ASPH: variants seen among roughly 807,000 people sequenced by gnomAD.
ASPH encodes aspartyl/asparaginyl beta-hydroxylase.
A neutral mutation model predicts 118.4 loss-of-function variants in ASPH; 100 were observed. The observed-to-expected ratio is 0.84, with a 90% CI of 0.72 to 1.00. The LOEUF (loss-of-function observed/expected upper bound fraction) is 1.00, where lower values mean the gene tolerates loss of function less well. Ranked by LOEUF, ASPH falls within the 50% of genes least tolerant of loss-of-function variation. The pLI is 0.00. For synonymous variants in ASPH, 315 were observed against 325.6 expected (o/e 0.97, Z 0.35); for missense variants, 920 against 919.5 (o/e 1.00, Z -0.01).
Position 61,553,023 on chromosome 8 carries a change from C to A in ASPH, c.1626+8G>T. 6.3e-7 allele frequency: 1 copy of A among 1,597,278 alleles called. No homozygotes were observed. Among genetic ancestry groups the A allele is most frequent in the Non-Finnish European group, 8.6e-7 (1 of 1,165,022 alleles). ...TTAGAGAGAATCAGAAATTCATATA[C>A]CCATTACCTCTTTGTTCCCAACCCT... On this transcript the variant is annotated splice_region_variant and intron_variant, in intron 20 of 24. Transcript: ENST00000379454.
At chr8:61,691,135 C>T (rs1174109674) in intron 1 of ASPH, among the ~76,000 whole-genome samples, 4 of 152,144 alleles carry the variant, frequency 2.6e-5, no homozygotes, top group Non-Finnish European at 4.4e-5. Flanking sequence ...GTTTTAGGGG[C>T]AGTTTTTATC....
At chr8:61,708,552 A>G (rs1347319955) in intron 1 of ASPH, among the ~76,000 whole-genome samples, 2 of 152,232 alleles carry the variant, frequency 1.3e-5, no homozygotes, top group African/African-American at 4.8e-5. Context: ...AGAATAATAA[A>G]TAAGAAAAAG....
At chr8:61,666,258 C>T (rs1260792345) in intron 3 of ASPH, among the ~76,000 whole-genome samples, 1 of 152,126 alleles carries the variant, frequency 6.6e-6, no homozygotes, top group Non-Finnish European at 1.5e-5. Context: ...TCATGTAGAG[C>T]AACTCAAGCT....
At chr8:61,532,176 T>C (rs1177997090) in intron 21 of ASPH, among the ~76,000 whole-genome samples, 1 of 152,218 alleles carries the variant, frequency 6.6e-6, no homozygotes, top group Non-Finnish European at 1.5e-5. Context: ...TTCCCTTTTC[T>C]TTGCATCCTC....
At chr8:61,565,651 CTA>C (rs374765833) in intron 17 of ASPH, among the ~76,000 whole-genome samples, 122,555 of 151,672 alleles carry the variant, frequency 0.81, 49,820 homozygotes, top group Non-Finnish European at 0.85. Context: ...CACTAAACAG[CTA>C]AGATCACTGA....
Position 61,635,034 on chromosome 8 carries a change from T to TA in ASPH, c.890-1308dup, listed in dbSNP as rs560219432. Among the ~76,000 whole-genome samples, 8 of 152,324 alleles carry TA rather than the reference T, an allele frequency of 5.3e-5. No individual in the cohort carries two copies. The South Asian group carries it at 1.7e-3, about 32-fold the overall frequency. ...AATCTGGGTTACCTATTTTATAGCC[T>TA]ACTTTTCCTTACTCCAGGTCTTTTT... On this transcript the variant is annotated intron_variant, in intron 12 of 24. Transcript: ENST00000379454.
intron 15 of ASPH, among the ~76,000 whole-genome samples, chr8:61,577,770 G>A (rs7827760): frequency 0.02 from 3,027 of 152,188 alleles, 117 homozygotes; most frequent in African/African-American, 0.07. Context: ...TCATGAGAAC[G>A]GCATGGGGGA....
rs146181871 is a variant in ASPH at position 61,664,604 on chromosome 8, G to A, written c.323-10944C>T. 1.6e-4 allele frequency: 161 copies of A among 986,610 alleles called. 2 individuals carry two copies. In the Admixed American group the frequency reaches 9.2e-3, roughly 56 times the overall value. 61.1% of individuals were successfully genotyped at this position (986,610 alleles called of 1,614,324 possible). On this transcript the variant is annotated intron_variant, in intron 3 of 24. Transcript: ENST00000379454. ...GAAGCATGCAGGAGTGAGGGGCAGC[G>A]GTGAGGTGAGGAGTGAAGGAAAGGA...
intron 14 of ASPH, among the ~76,000 whole-genome samples, chr8:61,604,987 T>C (rs1845137198): frequency 6.6e-6 from 1 of 152,246 alleles, no homozygotes; most frequent in African/African-American, 2.4e-5. Flanking sequence ...TCAAACTCAG[T>C]GTTAATAAAG....
chr8:61,586,986 C>T (rs1451334179), intron 14 of ASPH, among the ~76,000 whole-genome samples: 1 of 152,222 alleles, frequency 6.6e-6, no homozygotes, highest in African/African-American at 2.4e-5. Flanking sequence ...CTGTCTGGAG[C>T]AGTGGGTATG....
intron 3 of ASPH, chr8:61,680,735 T>C: frequency 6.6e-6 from 2 of 303,010 alleles, no homozygotes; most frequent in Non-Finnish European, 1.2e-5. Flanking sequence ...TTATTATACT[T>C]ATCAAAAGAT....
intron 18 of ASPH, among the ~76,000 whole-genome samples, chr8:61,557,324 C>G (rs1828229491): frequency 6.6e-6 from 1 of 152,144 alleles, no homozygotes; most frequent in African/African-American, 2.4e-5. Context: ...GGCCTCCTCT[C>G]CTGCCCCTGC....
At chr8:61,561,604 G>A (rs893973924) in intron 18 of ASPH, among the ~76,000 whole-genome samples, 1 of 152,162 alleles carries the variant, frequency 6.6e-6, no homozygotes, top group Non-Finnish European at 1.5e-5. Context: ...GTATGAAACT[G>A]CTGTTCTTGA....
chr8:61,566,466 G>A (rs1831717754), intron 17 of ASPH, among the ~76,000 whole-genome samples: 1 of 152,194 alleles, frequency 6.6e-6, no homozygotes, highest in Non-Finnish European at 1.5e-5. Context: ...TCGTTGAAAT[G>A]GCAACAAAGG....
intron 1 of ASPH, among the ~76,000 whole-genome samples, chr8:61,704,282 G>C (rs1836022490): frequency 7.1e-6 from 1 of 140,166 alleles, no homozygotes; most frequent in South Asian, 2.4e-4. Flanking sequence ...TTTGCTTTTT[G>C]ACAAAGGCAC....
Position 61,638,317 on chromosome 8 carries a change from C to T in ASPH, c.832+5G>A. On this transcript the variant is annotated splice_donor_5th_base_variant and intron_variant, in intron 11 of 24. Coordinates refer to ENST00000379454, the MANE Select transcript of ASPH (RefSeq NM_004318.4). ...AGAAAATATGTGCTTACAGAAAAAA[C>T]TTACCTGTGATTTCTATCCCTTCAT... 1 of 1,598,960 alleles carries T rather than the reference C, an allele frequency of 6.3e-7. No homozygotes were observed. Among genetic ancestry groups the T allele is most frequent in the Non-Finnish European group, 8.5e-7 (1 of 1,175,568 alleles).
chr8:61,697,939 C>T (rs1448794344), intron 1 of ASPH, among the ~76,000 whole-genome samples: 2 of 151,840 alleles, frequency 1.3e-5, no homozygotes, highest in Admixed American at 1.3e-4. Context: ...CACAGGCATG[C>T]ACCGCCATAT....
At chr8:61,649,478 C>G (rs1809772772) in intron 5 of ASPH, among the ~76,000 whole-genome samples, 1 of 152,002 alleles carries the variant, frequency 6.6e-6, no homozygotes, top group Non-Finnish European at 1.5e-5. Flanking sequence ...TTTAGATGAG[C>G]AATGAGGGCT....
At chr8:61,671,329 T>A (rs1822386423) in intron 3 of ASPH, among the ~76,000 whole-genome samples, 1 of 151,980 alleles carries the variant, frequency 6.6e-6, no homozygotes, top group African/African-American at 2.4e-5. Context: ...CCATAGCTAA[T>A]GTCTAGGGAA....
Sources: gnomAD v4.1 joint callset for allele counts (sites outside exome capture counted in the v4.1 genomes callset) on GRCh38, gnomAD v4.1.1 for gene constraint, MANE v1.5 for transcripts, NCBI Gene and HGNC (gene_info 2026-07-23, HGNC 2026-07-21) for gene names.